PCDHA7: variants seen among roughly 807,000 people sequenced by gnomAD.
PCDHA7 encodes protocadherin alpha 7.
Under a neutral mutation model 57.2 loss-of-function variants are expected in PCDHA7, and 37 were observed. The observed-to-expected ratio is 0.65, with a 90% CI of 0.50 to 0.85. The LOEUF (loss-of-function observed/expected upper bound fraction) is 0.85. Ranked by LOEUF, PCDHA7 falls within the 40% of genes least tolerant of loss-of-function variation. The pLI is 0.00. For missense variants in PCDHA7, 1,188 were observed against 1,241.8 expected, an observed-to-expected ratio of 0.96 and a Z score of 0.65; for synonymous variants, 553 against 558.8, an observed-to-expected ratio of 0.99 and a Z score of 0.15.
chr5:140,882,698 G>A (rs562320262), intron 1 of PCDHA7: 18 of 1,614,200 alleles, frequency 1.1e-5, no homozygotes, highest in Middle Eastern at 1.6e-4. Context: ...AATCATTGCA[G>A]AATCTAGACC....
At chr5:140,852,901 CA>C in intron 1 of PCDHA7, 4 of 823,926 alleles carry the variant, frequency 4.9e-6, no homozygotes, top group Non-Finnish European at 6.0e-6. Context: ...TTTTTTGAGT[CA>C]GAGTCTCGCT....
At position 140,848,936 on chromosome 5, in the gene PCDHA7, G is replaced by T. The variant is rs2150425486; in HGVS notation, c.2355+12198G>T. On this transcript the variant is annotated intron_variant, in intron 1 of 3. Coordinates refer to ENST00000525929, the MANE Select transcript of PCDHA7 (RefSeq NM_018910.3). ...ATCTGTTCATCGCGGAATCCAGGCC[G>T]CTTGACTCTCGGTTTCCACTAGAGG... The T allele has an allele frequency of 3.7e-6, 6 of 1,607,362 alleles. 1 individual carries two copies. The highest frequency in any genetic ancestry group is 4.5e-5 in the East Asian group (2 of 44,818).
chr5:140,842,856 C>G, intron 1 of PCDHA7: 1 of 1,593,922 alleles, frequency 6.3e-7, no homozygotes, highest in Non-Finnish European at 8.6e-7. Flanking sequence ...TCGGTGCACA[C>G]GGAGAGCGGC....
chr5:140,907,433 G>A (rs1006736760), intron 1 of PCDHA7, among the ~76,000 whole-genome samples: 5 of 152,246 alleles, frequency 3.3e-5, no homozygotes, highest in Admixed American at 1.3e-4. Context: ...GGCATTCTGT[G>A]AGTCCACAGA....
chr5:140,897,875 G>A (rs2066378352), intron 1 of PCDHA7, among the ~76,000 whole-genome samples: 1 of 152,080 alleles, frequency 6.6e-6, no homozygotes, highest in South Asian at 2.1e-4. Flanking sequence ...TTTAATGATT[G>A]CCATTCTAAC....
chr5:140,866,304 A>G (rs898524631), intron 1 of PCDHA7: 16 of 152,138 alleles, frequency 1.1e-4, no homozygotes, highest in African/African-American at 3.6e-4. Flanking sequence ...AGATGTTGAT[A>G]TTATTATTTC....
intron 1 of PCDHA7, chr5:140,966,581 G>A: frequency 1.9e-6 from 1 of 535,414 alleles, no homozygotes; most frequent in Non-Finnish European, 3.0e-6. Flanking sequence ...AGTCAGCGAG[G>A]ACGGTGGGGC....
At chr5:140,969,145 C>T (rs782791096) in intron 1 of PCDHA7, 1 of 1,614,168 alleles carries the variant, frequency 6.2e-7, no homozygotes, top group South Asian at 1.1e-5. Context: ...CCTACTGCTA[C>T]AAGGCCTGTC....
At chr5:140,843,932 T>A (rs1404352255) in intron 1 of PCDHA7, 1 of 583,528 alleles carries the variant, frequency 1.7e-6, no homozygotes, top group Admixed American at 3.5e-5. Flanking sequence ...ACTCAAGTTA[T>A]GGTTGGATGA....
chr5:140,896,280 G>A (rs940722689), intron 1 of PCDHA7, among the ~76,000 whole-genome samples: 1 of 152,206 alleles, frequency 6.6e-6, no homozygotes, highest in South Asian at 2.1e-4. Flanking sequence ...TTGCTGGCTT[G>A]AATGGTAAGT....
chr5:140,872,850 G>A (rs1439631581), intron 1 of PCDHA7, among the ~76,000 whole-genome samples: 2 of 152,084 alleles, frequency 1.3e-5, no homozygotes, highest in East Asian at 3.8e-4. Context: ...ATATATTAAT[G>A]TGAGTACCTA....
At chr5:141,009,147 C>A (rs1193433198) in intron 3 of PCDHA7, among the ~76,000 whole-genome samples, 1 of 152,332 alleles carries the variant, frequency 6.6e-6, no homozygotes, top group Admixed American at 6.5e-5. Flanking sequence ...AACCTGCCCT[C>A]TTGCTTGTCT....
At position 140,883,588 on chromosome 5, in the gene PCDHA7, C is replaced by A. The variant is rs781923113; in HGVS notation, c.2355+46850C>A. 5.6e-6 allele frequency: 9 copies of A among 1,613,794 alleles called. No homozygotes were observed. In the East Asian group the frequency reaches 6.7e-5, roughly 12 times the overall value. ...CGCCTTCGCTGTGGGCCACGGCCAG[C>A]GTGTCGGTGGGGGTGGCCGACGTGA... is the stretch of plus-strand genomic sequence containing the variant. On this transcript the variant is annotated intron_variant, in intron 1 of 3. Coordinates refer to ENST00000525929, the MANE Select transcript of PCDHA7 (RefSeq NM_018910.3).
intron 1 of PCDHA7, among the ~76,000 whole-genome samples, chr5:140,878,501 C>T (rs186968165): frequency 5.9e-5 from 9 of 152,226 alleles, no homozygotes; most frequent in Admixed American, 2.0e-4. Flanking sequence ...ACCATCTGTA[C>T]GATACAGTAC....
intron 1 of PCDHA7, chr5:140,859,465 T>A: frequency 4.7e-6 from 1 of 214,084 alleles, no homozygotes; most frequent in Non-Finnish European, 9.1e-6. Flanking sequence ...AAAACTACAC[T>A]ATCAATTGTG....
At chr5:140,931,875 T>C (rs1457456146) in intron 1 of PCDHA7, among the ~76,000 whole-genome samples, 3 of 151,982 alleles carry the variant, frequency 2.0e-5, no homozygotes, top group African/African-American at 7.2e-5. Flanking sequence ...AAAATATTTA[T>C]TGCTTTCATT....
chr5:140,882,024 G>A lies in PCDHA7; in HGVS notation c.2355+45286G>A, dbSNP rs4151690. On this transcript the variant is annotated intron_variant, in intron 1 of 3. Transcript: ENST00000525929. ...AGGGGCAAAAAAATACTACATCAAT[G>A]GAAAATATGAAGACTGAGTCATACT... is the stretch of plus-strand genomic sequence containing the variant. 118 of 580,388 alleles carry A rather than the reference G, an allele frequency of 2.0e-4. 2 individuals carry two copies. The highest frequency in any genetic ancestry group is 1.6e-3 in the East Asian group (53 of 32,696). The allele number at this position is 580,388 out of a possible 1,614,324, so 36.0% of individuals were successfully genotyped here. A position where few individuals can be genotyped will look rare whatever the true frequency, so the allele number is the denominator to read the frequency against.
At chr5:140,918,155 A>T (rs1453787502) in intron 1 of PCDHA7, among the ~76,000 whole-genome samples, 1 of 152,054 alleles carries the variant, frequency 6.6e-6, no homozygotes, top group Admixed American at 6.5e-5. Flanking sequence ...GTGTATGTCT[A>T]TTGTAAATGG....
chr5:141,002,135 G>A (rs1265359430), intron 3 of PCDHA7, among the ~76,000 whole-genome samples: 1 of 152,236 alleles, frequency 6.6e-6, no homozygotes, highest in African/African-American at 2.4e-5. Flanking sequence ...AGCCTTTGCC[G>A]GCTGCACTGA....
Sources: gnomAD v4.1 joint callset for allele counts (sites outside exome capture counted in the v4.1 genomes callset) on GRCh38, gnomAD v4.1.1 for gene constraint, MANE v1.5 for transcripts, NCBI Gene and HGNC (gene_info 2026-07-23, HGNC 2026-07-21) for gene names.